Variants in SLC35F4 observed in about 807,000 individuals in gnomAD.
The protein encoded by SLC35F4 is solute carrier family 35 member F4.
In SLC35F4, 24 loss-of-function variants were observed where a neutral mutation model predicts 44.2. The ratio of observed to expected loss-of-function variants is 0.54; its 90% CI spans 0.39 to 0.76. The LOEUF (loss-of-function observed/expected upper bound fraction) is 0.76. Ranked by LOEUF, SLC35F4 falls within the 30% of genes least tolerant of loss-of-function variation. The probability of loss-of-function intolerance (pLI) is 0.00; values close to 1 mark genes in which losing one functional copy is unlikely to be tolerated. For missense variants in SLC35F4, 562 were observed against 586.1 expected, an observed-to-expected ratio of 0.96 and a Z score of 0.42; for synonymous variants, 238 against 223.6, an observed-to-expected ratio of 1.06 and a Z score of -0.57.
chr14:57,887,185 T>C (rs1173794287), intron 1 of SLC35F4, among the ~76,000 whole-genome samples: 2 of 152,156 alleles, frequency 1.3e-5, no homozygotes, highest in Admixed American at 6.5e-5. Flanking sequence ...CACAGTTCTG[T>C]AGTCTTGAGC....
chr14:57,820,918 A>G (rs1301891370), intron 1 of SLC35F4, among the ~76,000 whole-genome samples: 1 of 152,254 alleles, frequency 6.6e-6, no homozygotes, highest in Admixed American at 6.5e-5. Context: ...GTCTGTTAAC[A>G]AAAAGAGAAA....
chr14:57,954,697 C>T (rs1334818369), intron 1 of SLC35F4, among the ~76,000 whole-genome samples: 1 of 151,998 alleles, frequency 6.6e-6, no homozygotes, highest in Non-Finnish European at 1.5e-5. Context: ...AATTCCTGGA[C>T]ATATATACCC....
chr14:57,915,425 T>C (rs995840853), intron 1 of SLC35F4, among the ~76,000 whole-genome samples: 1 of 152,204 alleles, frequency 6.6e-6, no homozygotes, highest in African/African-American at 2.4e-5. Context: ...ATGCTTTACA[T>C]GGCAAGGCTT....
At chr14:57,804,481 T>C (rs996218440) in intron 1 of SLC35F4, among the ~76,000 whole-genome samples, 20 of 152,076 alleles carry the variant, frequency 1.3e-4, no homozygotes, top group Admixed American at 1.3e-3. Flanking sequence ...CCTACAACCA[T>C]CTGATCTTCA....
chr14:57,609,709 A>G (rs1365671998), intron 1 of SLC35F4, among the ~76,000 whole-genome samples: 5 of 152,216 alleles, frequency 3.3e-5, no homozygotes, highest in Non-Finnish European at 7.3e-5. Flanking sequence ...AGTGAAAGAT[A>G]ATCCTTCTGA....
Position 57,686,299 on chromosome 14 carries a change from G to A in SLC35F4, c.104-92175C>T, listed in dbSNP as rs574609679. ...TACTCACTTACCTGGCCCATATTTT[G>A]AAATTAATTCCTAAAGCTATTTATA... On this transcript the variant is annotated intron_variant, in intron 1 of 7. Transcript: ENST00000556826. 7.6e-4 allele frequency among the ~76,000 whole-genome samples: 115 copies of A among 152,242 alleles called. 1 individual carries two copies. The highest frequency in any genetic ancestry group is 2.6e-3 in the African/African-American group (107 of 41,548).
intron 1 of SLC35F4, among the ~76,000 whole-genome samples, chr14:57,733,939 A>G (rs1420857078): frequency 1.3e-5 from 2 of 152,182 alleles, no homozygotes; most frequent in Non-Finnish European, 2.9e-5. Context: ...TAAAATATGA[A>G]AATGTTTTTG....
At chr14:57,664,465 T>C (rs983724953) in intron 1 of SLC35F4, among the ~76,000 whole-genome samples, 3 of 152,060 alleles carry the variant, frequency 2.0e-5, no homozygotes, top group East Asian at 1.9e-4. Context: ...CTGAAGTACA[T>C]TGGCACGATC....
chr14:57,578,961 G>C (rs1181590799), intron 4 of SLC35F4: 1 of 152,188 alleles, frequency 6.6e-6, no homozygotes, highest in African/African-American at 2.4e-5. Flanking sequence ...GGGACCAAAG[G>C]CATCTCTAAG....
intron 1 of SLC35F4, among the ~76,000 whole-genome samples, chr14:57,829,723 G>C (rs551330090): frequency 9.2e-5 from 14 of 152,330 alleles, no homozygotes; most frequent in African/African-American, 3.4e-4. Context: ...TACTGCAACA[G>C]GGGTTGTGGG....
intron 1 of SLC35F4, among the ~76,000 whole-genome samples, chr14:57,961,210 C>T (rs755597314): frequency 4.6e-5 from 7 of 152,124 alleles, no homozygotes; most frequent in Non-Finnish European, 1.0e-4. Flanking sequence ...TCGTACCCCA[C>T]AAAAATCTGC....
chr14:57,762,348 G>A (rs1278157351), intron 1 of SLC35F4, among the ~76,000 whole-genome samples: 1 of 152,044 alleles, frequency 6.6e-6, no homozygotes, highest in Non-Finnish European at 1.5e-5. Flanking sequence ...TACAAGACTT[G>A]GACAAGAAGC....
chr14:57,747,744 CT>C (rs2076794365), intron 1 of SLC35F4, among the ~76,000 whole-genome samples: 1 of 152,146 alleles, frequency 6.6e-6, no homozygotes, highest in Admixed American at 6.5e-5. Context: ...ATAGTAATTT[CT>C]TGATGTCATT....
intron 1 of SLC35F4, among the ~76,000 whole-genome samples, chr14:57,771,746 A>G (rs1267775990): frequency 6.6e-6 from 1 of 152,176 alleles, no homozygotes; most frequent in African/African-American, 2.4e-5. Context: ...GGCATTTGCC[A>G]CCACACTAAC....
At chr14:57,638,606 G>T (rs116114175) in intron 1 of SLC35F4, among the ~76,000 whole-genome samples, 17 of 152,150 alleles carry the variant, frequency 1.1e-4, no homozygotes, top group African/African-American at 3.9e-4. Flanking sequence ...AAGAAATAAA[G>T]TCTCCTTTCA....
At chr14:57,633,005 T>C (rs979956333) in intron 1 of SLC35F4, among the ~76,000 whole-genome samples, 1 of 152,160 alleles carries the variant, frequency 6.6e-6, no homozygotes, top group Non-Finnish European at 1.5e-5. Flanking sequence ...ACTTCTCAGA[T>C]TGGCTTTTTT....
At chr14:57,881,212 T>A (rs554553428) in intron 1 of SLC35F4, among the ~76,000 whole-genome samples, 2 of 152,292 alleles carry the variant, frequency 1.3e-5, no homozygotes, top group South Asian at 4.1e-4. Context: ...ACTTTCAGAT[T>A]CTGACCCTAG....
chr14:57,812,816 T>A (rs1267306293), intron 1 of SLC35F4, among the ~76,000 whole-genome samples: 1 of 152,182 alleles, frequency 6.6e-6, no homozygotes, highest in Non-Finnish European at 1.5e-5. Flanking sequence ...ATACCACATG[T>A]ACAGTATAAT....
At chr14:57,689,999 A>G (rs533772973) in intron 1 of SLC35F4, among the ~76,000 whole-genome samples, 101 of 152,274 alleles carry the variant, frequency 6.6e-4, no homozygotes, top group Non-Finnish European at 1.3e-3. Context: ...CGAACAAATC[A>G]TGCTTTCTGC....
Sources: gnomAD v4.1 joint callset for allele counts (sites outside exome capture counted in the v4.1 genomes callset) on GRCh38, gnomAD v4.1.1 for gene constraint, MANE v1.5 for transcripts, NCBI Gene and HGNC (gene_info 2026-07-23, HGNC 2026-07-21) for gene names.